The following SERHL2 variants were observed in gnomAD, a reference collection of about 807,000 sequenced individuals.
SERHL2 encodes the protein serine hydrolase-like protein 2.
A neutral mutation model predicts 25.5 loss-of-function variants in SERHL2; 29 were observed. That is an observed-to-expected ratio of 1.14 (90% CI 0.85 to 1.55). The LOEUF is 1.55. Ranked by LOEUF, SERHL2 falls within the 40% of genes most tolerant of loss-of-function variation. The pLI is 0.00. For synonymous variants in SERHL2, 95 were observed against 103.5 expected (o/e 0.92, Z 0.50); for missense variants, 240 against 252.3 (o/e 0.95, Z 0.33).
At chr22:42,570,179 T>G (rs1335416852) in intron 9 of SERHL2, among the ~76,000 whole-genome samples, 2 of 151,940 alleles carry the variant, frequency 1.3e-5, no homozygotes, top group Non-Finnish European at 2.9e-5. Context: ...CCCAGAACTT[T>G]GGGAGTCCGA....
At chr22:42,562,715 G>A (rs1202320174) in intron 8 of SERHL2, among the ~76,000 whole-genome samples, 1 of 152,010 alleles carries the variant, frequency 6.6e-6, no homozygotes, top group Non-Finnish European at 1.5e-5. Context: ...TGGCAGGACA[G>A]GCCTGGAGGT....
intron 9 of SERHL2, 44 bp from the exon 10 acceptor site, chr22:42,571,077 C>T: frequency 1.2e-6 from 2 of 1,612,538 alleles, no homozygotes; most frequent in Non-Finnish European, 1.7e-6. Context: ...CACGAGAGTG[C>T]CTGTGCCTTG....
Position 42,560,037 on chromosome 22 carries a change from C to T in SERHL2, c.534-149C>T, listed in dbSNP as rs1601833228. The T allele has an allele frequency of 3.2e-5, 20 of 627,830 alleles. No homozygotes were observed. In the East Asian group the frequency reaches 3.8e-4, roughly 12 times the overall value. The allele number at this position is 627,830 out of a possible 1,614,324, so 38.9% of individuals were successfully genotyped here. On this transcript the variant is annotated intron_variant, in intron 7 of 11. Transcript: ENST00000327678. ...ATGTTGGCCAGGCTGGTCTCAAACT[C>T]CTGACCTCAGATGATCCGCCCATCT... is the stretch of plus-strand genomic sequence containing the variant.
rs772579389 is a variant in SERHL2 at position 42,574,047 on chromosome 22, C to G, written c.937C>G (p.Gln313Glu). The change falls in exon 12 of 12, where the codon CAG (glutamine) becomes GAG (glutamate). Residue 313 changes from glutamine to glutamate, a missense_variant. This residue lies in a region of SERHL2 where 212 missense variants were observed against 168.9 expected (regional missense o/e 1.25). Coordinates refer to ENST00000327678, the MANE Select transcript of SERHL2 (RefSeq NM_014509.5). ...FLQCTHMLPA[Q>E]L is the part of the protein sequence containing the mutation. ...ACAGTGCACACACATGCTCCCAGCC[C>G]AGCTGTAGCTCTGGGCCTGGAACTA... 2 of 1,612,756 alleles carry G rather than the reference C, an allele frequency of 1.2e-6. No individual in the cohort carries two copies. Among genetic ancestry groups the G allele is most frequent in the South Asian group, 2.2e-5 (2 of 91,054 alleles).
In SERHL2 at chr22:42,570,397, A is replaced by C. The variant is rs1295551443; in HGVS notation, c.649-724A>C. 1.3e-5 allele frequency among the ~76,000 whole-genome samples: 2 copies of C among 152,080 alleles called. 1 individual carries two copies. Among genetic ancestry groups the C allele is most frequent in the Non-Finnish European group, 2.9e-5 (2 of 67,994 alleles). ...CGCGCCATTGCATTCCAGCCCGGGC[A>C]CCAAGAGCAAAACTCGGTCTCAAAT... On this transcript the variant is annotated intron_variant, in intron 9 of 11. Coordinates refer to ENST00000327678, the MANE Select transcript of SERHL2 (RefSeq NM_014509.5).
At position 42,573,668 on chromosome 22, in the gene SERHL2, T is replaced by G. The variant is rs914165725; in HGVS notation, c.826-268T>G. ...TGATACAATCACAGCAACCCTGGCC[T>G]CGGCCCCGCCCTGTCCCTGCCATGC... On this transcript the variant is annotated intron_variant, in intron 11 of 11. Coordinates refer to ENST00000327678, the MANE Select transcript of SERHL2 (RefSeq NM_014509.5). 6 of 481,538 alleles carry G rather than the reference T, an allele frequency of 1.2e-5. No homozygotes were observed. The Admixed American group carries it at 2.0e-4, about 16-fold the overall frequency. 29.8% of individuals were successfully genotyped at this position (481,538 alleles called of 1,614,324 possible). A position where few individuals can be genotyped will look rare whatever the true frequency, so the allele number is the denominator to read the frequency against.
intron 8 of SERHL2, among the ~76,000 whole-genome samples, chr22:42,564,489 T>C (rs189352435): frequency 6.6e-6 from 1 of 151,580 alleles, no homozygotes; most frequent in Admixed American, 6.6e-5. Flanking sequence ...TGGAGTATAA[T>C]GGCACAATCT....
At chr22:42,562,017 G>T (rs1317768262) in intron 8 of SERHL2, among the ~76,000 whole-genome samples, 2 of 151,812 alleles carry the variant, frequency 1.3e-5, no homozygotes, top group Admixed American at 1.3e-4. Context: ...CTATGTGGGT[G>T]TCAGGGGGGT....
At chr22:42,563,987 C>T (rs1294003785) in intron 8 of SERHL2, among the ~76,000 whole-genome samples, 2 of 174 alleles carry the variant, frequency 0.011, no homozygotes, top group African/African-American at 0.02. Context: ...GCAAGAGAAT[C>T]GCTTGAACCG....
At position 42,562,681 on chromosome 22, in the gene SERHL2, C is replaced by CGT. The variant is rs1569277019; in HGVS notation, c.613+2417_613+2418insTG. ...AGTGAAGGTACGGGAGCTGCTCCTA[C>CGT]GGACTCCAGGAGGAGAAAGGAGCTG... is the stretch of plus-strand genomic sequence containing the variant. On this transcript the variant is annotated intron_variant, in intron 8 of 11. Transcript: ENST00000327678. Among the ~76,000 whole-genome samples, 516 of 151,896 alleles carry CGT rather than the reference C, an allele frequency of 3.4e-3. 2 individuals carry two copies. The highest frequency in any genetic ancestry group is 0.012 in the African/African-American group (500 of 41,444).
rs1924122950 is a variant in SERHL2, at chr22:42,571,151, GAGCTGTGTGCGCATTCCATCAGGA to G, written c.685_708del (p.Cys229_Leu236del). ...GAACAGCATTGACTTCATCAGCAGG[GAGCTGTGTGCGCATTCCATCAGGA>G]AGCTGCAGGCCCATGTCCTGTTGAT... On this transcript the variant is annotated inframe_deletion, in exon 10 of 12. Transcript: ENST00000327678. 2.5e-6 allele frequency: 4 copies of G among 1,613,440 alleles called. No homozygotes were observed. Among genetic ancestry groups the G allele is most frequent in the Middle Eastern group, 1.7e-4 (1 of 6,060 alleles).
chr22:42,573,054 C>A (rs1924460558), intron 11 of SERHL2, among the ~76,000 whole-genome samples: 2 of 151,834 alleles, frequency 1.3e-5, no homozygotes, highest in East Asian at 3.9e-4. Context: ...AGTGGGCGTG[C>A]TGGCTGTAGG....
Position 42,553,983 on chromosome 22 carries a change from T to G in SERHL2, c.-38T>G, listed in dbSNP as rs1921904914. On this transcript the variant is annotated 5_prime_UTR_variant, in exon 1 of 12. Transcript: ENST00000327678. ...TCTGCTCCTGCGACCTAGCCAGGCG[T>G]GAGGGAGTGACAGCAGCGCATTCGC... 1 of 1,612,472 alleles carries G rather than the reference T, an allele frequency of 6.2e-7. No homozygotes were observed. The highest frequency in any genetic ancestry group is 1.1e-5 in the South Asian group (1 of 90,980).
chr22:42,572,053 G>A (rs1393287202), intron 10 of SERHL2, among the ~76,000 whole-genome samples: 2 of 152,086 alleles, frequency 1.3e-5, no homozygotes, highest in East Asian at 3.9e-4. Context: ...ACAACTCAAT[G>A]TATTAAAAAC....
chr22:42,567,005 A>G (rs1376694243), intron 9 of SERHL2, among the ~76,000 whole-genome samples: 1 of 151,942 alleles, frequency 6.6e-6, no homozygotes, highest in Non-Finnish European at 1.5e-5. Flanking sequence ...AGGGGAGCCA[A>G]GCCCTGGGCC....
At chr22:42,560,367 A>C in intron 8 of SERHL2, 102 bp downstream of exon 8, 2 of 825,552 alleles carry the variant, frequency 2.4e-6, no homozygotes, top group Non-Finnish European at 4.1e-6. Context: ...AGCGCTTTGC[A>C]AACAGCATCT....
chr22:42,572,912 C>T (rs910205456), intron 11 of SERHL2: 17 of 184,642 alleles, frequency 9.2e-5, no homozygotes, highest in Middle Eastern at 2.7e-3. Flanking sequence ...TCAGGTGATC[C>T]GCCCACCTTG....
chr22:42,554,089 G>A (rs1489165611), intron 1 of SERHL2, 47 bp downstream of exon 1: 2 of 1,606,174 alleles, frequency 1.2e-6, no homozygotes, highest in Admixed American at 3.4e-5. Context: ...CCACCCACCT[G>A]GTTGGGACAG....
intron 11 of SERHL2, 78 bp from the exon 12 acceptor site, chr22:42,573,858 G>A: frequency 1.4e-6 from 2 of 1,412,568 alleles, no homozygotes; most frequent in East Asian, 2.4e-5. Context: ...TGCTGTGGGA[G>A]GGCCCTGACC....
Sources: allele counts gnomAD v4.1 joint callset (sites outside exome capture counted in the v4.1 genomes callset), GRCh38; gene constraint gnomAD v4.1.1; regional missense constraint gnomAD v4.1.1; transcripts MANE v1.5; gene names NCBI Gene and HGNC (gene_info 2026-07-23, HGNC 2026-07-21).